The following NKAIN2 variants were observed in gnomAD, a reference collection of about 807,000 sequenced individuals.
NKAIN2 encodes sodium/potassium transporting ATPase interacting 2.
NKAIN2 carries 14 observed loss-of-function variants against 32.6 expected under a neutral mutation model. The observed-to-expected ratio is 0.43, with a 90% CI of 0.28 to 0.67. The LOEUF (loss-of-function observed/expected upper bound fraction) is 0.67. NKAIN2 is among the 30% of genes least tolerant of loss of function. The pLI, the probability that NKAIN2 is intolerant of heterozygous loss-of-function variation, is 0.17. For missense variants in NKAIN2, 198 were observed against 258.3 expected, an observed-to-expected ratio of 0.77 and a Z score of 1.60; for synonymous variants, 80 against 87.2, an observed-to-expected ratio of 0.92 and a Z score of 0.46.
intron 3 of NKAIN2, among the ~76,000 whole-genome samples, chr6:124,503,851 C>T (rs909049086): frequency 6.6e-6 from 1 of 152,104 alleles, no homozygotes; most frequent in Non-Finnish European, 1.5e-5. Context: ...GGAAATTTGA[C>T]ACTCTAATTG....
intron 2 of NKAIN2, among the ~76,000 whole-genome samples, chr6:124,324,296 G>T (rs1797329173): frequency 6.6e-6 from 1 of 151,886 alleles, no homozygotes; most frequent in African/African-American, 2.4e-5. Context: ...TAAGTGTTTT[G>T]TAGTTTTTAC....
intron 3 of NKAIN2, among the ~76,000 whole-genome samples, chr6:124,626,784 G>A (rs552414368): frequency 7.2e-5 from 11 of 152,110 alleles, no homozygotes; most frequent in Non-Finnish European, 1.5e-4. Context: ...TCCTGAAGGG[G>A]TAAGTGGGGG....
intron 1 of NKAIN2, among the ~76,000 whole-genome samples, chr6:124,013,953 A>C (rs1002242355): frequency 6.6e-6 from 1 of 152,172 alleles, no homozygotes; most frequent in Non-Finnish European, 1.5e-5. Flanking sequence ...CGGTACCAGC[A>C]CCTAGGTTTT....
At chr6:124,459,433 A>T (rs1776444842) in intron 3 of NKAIN2, among the ~76,000 whole-genome samples, 1 of 151,920 alleles carries the variant, frequency 6.6e-6, no homozygotes, top group African/African-American at 2.4e-5. Context: ...CCTGGAAAAA[A>T]ATTATGGATA....
At chr6:124,582,659 AAAAG>A (rs1284173845) in intron 3 of NKAIN2, among the ~76,000 whole-genome samples, 2 of 152,190 alleles carry the variant, frequency 1.3e-5, no homozygotes, top group African/African-American at 4.8e-5. Context: ...GCACATTAAA[AAAAG>A]AAAAGAAAAG....
intron 3 of NKAIN2, among the ~76,000 whole-genome samples, chr6:124,627,578 GA>G (rs1783403453): frequency 6.6e-6 from 1 of 152,120 alleles, no homozygotes; most frequent in South Asian, 2.1e-4. Flanking sequence ...AGATGTCTAT[GA>G]AGTTGTCAAC....
intron 1 of NKAIN2, among the ~76,000 whole-genome samples, chr6:124,150,658 C>A (rs930910872): frequency 1.3e-5 from 2 of 152,000 alleles, no homozygotes; most frequent in African/African-American, 4.8e-5. Flanking sequence ...ATCTTTTCTG[C>A]ATTTATTTTT....
At chr6:124,253,939 T>A (rs1793805263) in intron 1 of NKAIN2, among the ~76,000 whole-genome samples, 1 of 150,182 alleles carries the variant, frequency 6.7e-6, no homozygotes, top group Non-Finnish European at 1.5e-5. Flanking sequence ...TGCCTCAGCC[T>A]CCCAAGTAGC....
chr6:124,579,647 TA>T (rs748590223), intron 3 of NKAIN2, among the ~76,000 whole-genome samples: 7 of 152,082 alleles, frequency 4.6e-5, no homozygotes, highest in Non-Finnish European at 1.0e-4. Context: ...GAGAGAGAGA[TA>T]GGGGTAGAAA....
chr6:123,868,054 G>C (rs1379402211), intron 1 of NKAIN2, among the ~76,000 whole-genome samples: 2 of 152,020 alleles, frequency 1.3e-5, no homozygotes, highest in Non-Finnish European at 2.9e-5. Context: ...ATTTTTAGTA[G>C]AGACAGGGTT....
chr6:124,753,069 C>T (rs1371393109), intron 4 of NKAIN2, among the ~76,000 whole-genome samples: 1 of 152,056 alleles, frequency 6.6e-6, no homozygotes, highest in East Asian at 1.9e-4. Context: ...CGGTAAGTCA[C>T]ACTTTATCAG....
intron 4 of NKAIN2, among the ~76,000 whole-genome samples, chr6:124,732,383 C>G (rs1776726033): frequency 6.6e-6 from 1 of 152,012 alleles, no homozygotes; most frequent in Admixed American, 6.6e-5. Flanking sequence ...TTAGCAAAGG[C>G]TAAGGCTAAG....
At chr6:124,727,583 G>A (rs190501486) in intron 4 of NKAIN2, among the ~76,000 whole-genome samples, 237 of 151,934 alleles carry the variant, frequency 1.6e-3, no homozygotes, top group African/African-American at 5.2e-3. Flanking sequence ...GGAACAACCC[G>A]TACCAGCCAC....
At chr6:124,058,541 A>G (rs1215121418) in intron 1 of NKAIN2, among the ~76,000 whole-genome samples, 2 of 152,046 alleles carry the variant, frequency 1.3e-5, no homozygotes, top group Non-Finnish European at 2.9e-5. Context: ...GGCACCTCAT[A>G]GGCTTGTTGT....
intron 3 of NKAIN2, among the ~76,000 whole-genome samples, chr6:124,421,746 G>C (rs756879034): frequency 6.6e-6 from 1 of 152,012 alleles, no homozygotes; most frequent in Non-Finnish European, 1.5e-5. Context: ...AGAAGGTAAG[G>C]GTTATTTTAT....
chr6:124,616,979 A>C (rs1408656579), intron 3 of NKAIN2, among the ~76,000 whole-genome samples: 5 of 152,168 alleles, frequency 3.3e-5, no homozygotes, highest in Admixed American at 6.6e-5. Context: ...CCTAAACAAT[A>C]AAGTCCCAGA....
intron 1 of NKAIN2, among the ~76,000 whole-genome samples, chr6:123,812,753 C>A (rs1203812844): frequency 6.6e-6 from 1 of 152,158 alleles, no homozygotes; most frequent in Non-Finnish European, 1.5e-5. Context: ...GGTGAAGAAT[C>A]CTCATACTGA....
At chr6:124,330,862 C>T (rs73770410) in intron 2 of NKAIN2, among the ~76,000 whole-genome samples, 9 of 152,088 alleles carry the variant, frequency 5.9e-5, no homozygotes, top group East Asian at 1.9e-4. Flanking sequence ...CTCACAGGAG[C>T]GCCAACCCTA....
chr6:124,765,110 A>G (rs574565295), intron 4 of NKAIN2, among the ~76,000 whole-genome samples: 1 of 152,356 alleles, frequency 6.6e-6, no homozygotes, highest in East Asian at 1.9e-4. Context: ...TTAAGTGCTA[A>G]CTCTAATCAT....
Sources: allele counts gnomAD v4.1 joint callset (sites outside exome capture counted in the v4.1 genomes callset), GRCh38; gene constraint gnomAD v4.1.1; transcripts MANE v1.5; gene names NCBI Gene and HGNC (gene_info 2026-07-23, HGNC 2026-07-21).